Variants in ZNF180 observed in about 807,000 individuals in gnomAD.
ZNF180 encodes the protein zinc finger protein 180, also known as zinc finger protein 180 (HHZ168).
ZNF180 carries 11 observed loss-of-function variants against 11.8 expected under a neutral mutation model. The ratio of observed to expected loss-of-function variants is 0.93; its 90% CI spans 0.59 to 1.55. The LOEUF is 1.55. Ranked by LOEUF, ZNF180 falls within the 40% of genes most tolerant of loss-of-function variation. The probability of loss-of-function intolerance (pLI) is 0.00; values close to 1 mark genes in which losing one functional copy is unlikely to be tolerated. For synonymous variants in ZNF180, 287 were observed against 257.7 expected (o/e 1.11, Z -1.09); for missense variants, 773 against 781.7 (o/e 0.99, Z 0.13).
At chr19:44,489,045 C>A (rs1278793180) in intron 2 of ZNF180, among the ~76,000 whole-genome samples, 4 of 150,524 alleles carry the variant, frequency 2.7e-5, no homozygotes, top group African/African-American at 4.9e-5. Context: ...CCACCCCGTC[C>A]GGGAGGGAGG....
Position 44,476,226 on chromosome 19 carries a change from A to C in ZNF180, c.*176T>G, listed in dbSNP as rs1969862681. The stretch of plus-strand genomic sequence containing the variant: ...GAATTGCCAGGTTGAAAAGTCGTTC[A>C]TAGACTTTCCCCCTTTCTTTTCCAG... On this transcript the variant is annotated 3_prime_UTR_variant, in exon 5 of 5. Coordinates refer to ENST00000592529, the MANE Select transcript of ZNF180 (RefSeq NM_001278509.3). 1.7e-6 allele frequency: 1 copy of C among 589,032 alleles called. No individual in the cohort carries two copies. Among genetic ancestry groups the C allele is most frequent in the African/African-American group, 1.9e-5 (1 of 52,814 alleles). The allele number at this position is 589,032 out of a possible 1,614,324, so 36.5% of individuals were successfully genotyped here. A position where few individuals can be genotyped will look rare whatever the true frequency, so the allele number is the denominator to read the frequency against.
At position 44,483,782 on chromosome 19, in the gene ZNF180, T is replaced by C. The variant is rs539423952; in HGVS notation, c.126+579A>G. 1.6e-4 allele frequency among the ~76,000 whole-genome samples: 25 copies of C among 152,314 alleles called. No homozygotes were observed. The South Asian group carries it at 5.2e-3, about 32-fold the overall frequency. On this transcript the variant is annotated intron_variant, in intron 3 of 4. Transcript: ENST00000592529. Reference sequence around the variant, plus strand: ...GCTAACCAAGGACTGTGCTTTATAGTTTCTCTCTTGTTGCCTGATGAATAA... The same window carrying C: ...GCTAACCAAGGACTGTGCTTTATAGCTTCTCTCTTGTTGCCTGATGAATAA...
In ZNF180 at chr19:44,477,517, TTC is replaced by T. The variant is rs762986494; in HGVS notation, c.881_882del (p.Arg294AsnfsTer4). 4.3e-6 allele frequency: 7 copies of T among 1,614,108 alleles called. No homozygotes were observed. The highest frequency in any genetic ancestry group is 2.7e-5 in the African/African-American group (2 of 75,042). On this transcript the variant is annotated frameshift_variant, in exon 5 of 5. Coordinates refer to ENST00000592529, the MANE Select transcript of ZNF180 (RefSeq NM_001278509.3). LOFTEE classifies it low-confidence loss of function (END_TRUNC). ...NPKISHNEQQ[R>X]IPFEESQYKC... ...TTATATTGACTCTCTTCAAAAGGAA[TTC>T]TCTGTTGTTCATTATGGGATATTTT...
intron 1 of ZNF180, among the ~76,000 whole-genome samples, chr19:44,499,359 C>T (rs1357433228): frequency 2.6e-5 from 4 of 152,166 alleles, no homozygotes; most frequent in African/African-American, 7.2e-5. Flanking sequence ...AATAGCGTAC[C>T]CAAGTAAAGG....
intron 3 of ZNF180, among the ~76,000 whole-genome samples, chr19:44,483,995 CTT>C (rs66671115): frequency 2.1e-3 from 287 of 136,856 alleles, no homozygotes; most frequent in African/African-American, 6.6e-3. Flanking sequence ...TTCTTTCTTT[CTT>C]TTTTTTTTTT....
At chr19:44,482,811 T>C (rs1332883160) in intron 3 of ZNF180, among the ~76,000 whole-genome samples, 1 of 152,094 alleles carries the variant, frequency 6.6e-6, no homozygotes, top group Non-Finnish European at 1.5e-5. Flanking sequence ...GAGAAAACAC[T>C]ATTAGCAGTA....
chr19:44,497,422 A>T, intron 1 of ZNF180, 45 bp from the exon 2 acceptor site: 1 of 1,534,174 alleles, frequency 6.5e-7, no homozygotes, highest in Non-Finnish European at 8.7e-7. Context: ...GGTCTGCCGG[A>T]ACCGCTGGGC....
chr19:44,485,632 TAGA>T (rs1970209906), intron 2 of ZNF180, among the ~76,000 whole-genome samples: 1 of 152,222 alleles, frequency 6.6e-6, no homozygotes, highest in Non-Finnish European at 1.5e-5. Context: ...CATATATTCT[TAGA>T]AGAAGTATAA....
Position 44,484,367 on chromosome 19 carries a change from T to C in ZNF180, c.120A>G (p.Pro40=). 6.2e-7 allele frequency: 1 copy of C among 1,612,718 alleles called. No individual in the cohort carries two copies. The highest frequency in any genetic ancestry group is 8.5e-7 in the Non-Finnish European group (1 of 1,178,760). The change falls in exon 3 of 5, where the codon CCA becomes CCG. Residue 40 remains proline (P), a synonymous_variant. Coordinates refer to ENST00000592529, the MANE Select transcript of ZNF180 (RefSeq NM_001278509.3). ...EGEDTGSLTI[P]SQEGVNFKIV... The stretch of plus-strand genomic sequence containing the variant: ...GAGGCCTTGCCCAACCTACCTGAGA[T>C]GGGATGGTCAGAGACCCAGTGTCTT...
intron 2 of ZNF180, among the ~76,000 whole-genome samples, chr19:44,494,913 G>A (rs150971718): frequency 6.6e-6 from 1 of 152,112 alleles, no homozygotes. Flanking sequence ...GTGGGCACTA[G>A]GTATGCGTAG....
intron 3 of ZNF180, among the ~76,000 whole-genome samples, chr19:44,481,926 T>C (rs1288723586): frequency 6.6e-6 from 1 of 152,224 alleles, no homozygotes; most frequent in African/African-American, 2.4e-5. Context: ...ATCCCACTTA[T>C]TCTATTCTTC....
rs115844120 is a variant in ZNF180 at position 44,479,445 on chromosome 19, T to A, written c.127-36A>T. On this transcript the variant is annotated intron_variant, in intron 3 of 4. Transcript: ENST00000592529. ...ACACACATTCCTGCTCAGCTGGGCATCATTTCCTTCCAAAGTTCATGGAGG... is the reference window on the plus strand; with the variant it reads ...ACACACATTCCTGCTCAGCTGGGCAACATTTCCTTCCAAAGTTCATGGAGG... The A allele has an allele frequency of 1.2e-3, 1,991 of 1,610,756 alleles. 23 individuals are homozygous for A. In the African/African-American group the frequency reaches 0.024, roughly 19 times the overall value.
Position 44,477,130 on chromosome 19 carries a change from T to A in ZNF180, c.1270A>T (p.Lys424Ter). Residue 424 changes from lysine (K) to a stop codon, truncating the protein, a stop_gained, in exon 5 of 5, where the codon AAA (lysine) becomes TAA (stop). Coordinates refer to ENST00000592529, the MANE Select transcript of ZNF180 (RefSeq NM_001278509.3). LOFTEE classifies it low-confidence loss of function (END_TRUNC). ...TGTGTTCTTTGATGTGCAATAAGTT[T>A]ATAGCTCTGCCTGAATGACTTTCCA... ...QCGKSFRQSYKLIAHQRTHTG... is the reference protein window; with the variant it reads ...QCGKSFRQSY 1 of 1,613,170 alleles carries A rather than the reference T, an allele frequency of 6.2e-7. No individual in the cohort carries two copies. The highest frequency in any genetic ancestry group is 8.5e-7 in the Non-Finnish European group (1 of 1,179,222).
chr19:44,489,259 C>G (rs1394882404), intron 2 of ZNF180, among the ~76,000 whole-genome samples: 4 of 133,980 alleles, frequency 3.0e-5, no homozygotes, highest in Non-Finnish European at 6.6e-5. Flanking sequence ...TCATTGAGAA[C>G]GGGCCATGAT....
chr19:44,496,672 C>CAAAAAAAAA (rs55678572), intron 2 of ZNF180: 7 of 71,620 alleles, frequency 9.8e-5, no homozygotes, highest in East Asian at 1.1e-3. Context: ...GACTCTGTCT[C>CAAAAAAAAA]AAAAAAAAAA....
In ZNF180 at chr19:44,495,861, C is replaced by T. The variant is rs1970566364; in HGVS notation, c.51+1423G>A. On this transcript the variant is annotated intron_variant, in intron 2 of 4. Transcript: ENST00000592529. This position sits in a 1 kb window ranked among gnomAD's most constrained non-coding sequence, Gnocchi z 4.5. ...ACCCTGCACATGGACACTCTCTTCA[C>T]AGCAGGCAGTCCTGACAACTGTAGG... Among the ~76,000 whole-genome samples, 2 of 152,240 alleles carry T rather than the reference C, an allele frequency of 1.3e-5. No homozygotes were observed. Among genetic ancestry groups the T allele is most frequent in the Admixed American group, 1.3e-4 (2 of 15,290 alleles).
At chr19:44,490,733 A>G (rs998767282) in intron 2 of ZNF180, among the ~76,000 whole-genome samples, 2 of 152,250 alleles carry the variant, frequency 1.3e-5, no homozygotes, top group African/African-American at 4.8e-5. Context: ...CTTGGCAGAA[A>G]CAAAATTCCA....
Position 44,477,850 on chromosome 19 carries a change from T to C in ZNF180, c.550A>G (p.Ile184Val), listed in dbSNP as rs1213052535. The change falls in exon 5 of 5, where the codon ATA (isoleucine) becomes GTA (valine). Residue 184 changes from isoleucine to valine, a missense_variant. Ile to Val is a conservative substitution (Grantham distance 29). Coordinates refer to ENST00000592529, the MANE Select transcript of ZNF180 (RefSeq NM_001278509.3). The stretch of plus-strand genomic sequence containing the variant: ...TTATGAAAATGGTTTCTTATGGGTA[T>C]AACTGGGGATGAAAATAGACTGGAA... ...LNSSLFSSPV[I>V]PIRNHFHKHV... 1.2e-6 allele frequency: 2 copies of C among 1,613,838 alleles called. No homozygotes were observed. The highest frequency in any genetic ancestry group is 1.7e-6 in the Non-Finnish European group (2 of 1,180,016).
chr19:44,489,548 G>A (rs144669865), intron 2 of ZNF180, among the ~76,000 whole-genome samples: 11,882 of 67,770 alleles, frequency 0.18, 3,501 homozygotes, highest in East Asian at 0.82. Flanking sequence ...CAGCATGCTC[G>A]TTAAGAGTCG....
Sources: gnomAD v4.1 joint callset for allele counts (sites outside exome capture counted in the v4.1 genomes callset) on GRCh38, gnomAD v4.1.1 for gene constraint, Gnocchi (gnomAD v3.1) non-coding constraint, MANE v1.5 for transcripts, NCBI Gene and HGNC (gene_info 2026-07-23, HGNC 2026-07-21) for gene names.